Variants in PTPN23 observed in about 807,000 individuals in gnomAD.
PTPN23 encodes the protein protein tyrosine phosphatase non-receptor type 23, also known as tyrosine-protein phosphatase non-receptor type 23.
A neutral mutation model predicts 156.3 loss-of-function variants in PTPN23; 72 were observed. The ratio of observed to expected loss-of-function variants is 0.46; its 90% CI spans 0.38 to 0.56. PTPN23 has a LOEUF of 0.56. PTPN23 is among the 20% of genes least tolerant of loss of function. PTPN23 has a pLI of 0.00. For missense variants in PTPN23, 1,974 were observed against 2,171.5 expected (o/e 0.91, Z 1.81); for synonymous variants, 957 against 899.6 (o/e 1.06, Z -1.14).
At chr3:47,404,825 T>C (rs779662417) in intron 3 of PTPN23, 46 bp downstream of exon 3, 1 of 1,599,890 alleles carries the variant, frequency 6.3e-7, no homozygotes, top group African/African-American at 1.3e-5. Flanking sequence ...GGAGTCTGGG[T>C]GGTGGGGGTG....
In PTPN23 at chr3:47,406,296, G is replaced by C; in HGVS notation, c.547-29G>C. On this transcript the variant is annotated intron_variant, in intron 6 of 24. Transcript: ENST00000265562. This position sits in a 1 kb window ranked among gnomAD's most constrained non-coding sequence, Gnocchi z 5.8. Reference sequence around the variant, plus strand: ...GGGAAGCGGGAGGCCTTGGGTGAGCGAGGGAGTGCACCTCACGTGTCGCCC... The same window carrying C: ...GGGAAGCGGGAGGCCTTGGGTGAGCCAGGGAGTGCACCTCACGTGTCGCCC... The C allele has an allele frequency of 6.2e-7, 1 of 1,612,176 alleles. No individual in the cohort carries two copies. Among genetic ancestry groups the C allele is most frequent in the South Asian group, 1.1e-5 (1 of 91,022 alleles).
intron 1 of PTPN23, among the ~76,000 whole-genome samples, chr3:47,389,364 G>C (rs1263207593): frequency 6.6e-6 from 1 of 151,840 alleles, no homozygotes; most frequent in Non-Finnish European, 1.5e-5. Context: ...TAATCCCAGC[G>C]CTTTGGGATG....
chr3:47,413,425 C>G lies in PTPN23; in HGVS notation c.*240C>G. On this transcript the variant is annotated 3_prime_UTR_variant, in exon 25 of 25. Transcript: ENST00000265562. ...CTTTGCTATTGAAATAATAAACCAC[C>G]CTGTTCTGTGGCCCGTGTCTGAGTC... The G allele has an allele frequency of 3.5e-6, 2 of 575,794 alleles. No individual in the cohort carries two copies. Among genetic ancestry groups the G allele is most frequent in the Non-Finnish European group, 6.0e-6 (2 of 334,710 alleles). 35.7% of individuals were successfully genotyped at this position (575,794 alleles called of 1,614,324 possible).
At position 47,411,484 on chromosome 3, in the gene PTPN23, A is replaced by G. The variant is rs757028179; in HGVS notation, c.3686A>G (p.Tyr1229Cys). 2 of 1,613,138 alleles carry G rather than the reference A, an allele frequency of 1.2e-6. No homozygotes were observed. The highest frequency in any genetic ancestry group is 1.7e-6 in the Non-Finnish European group (2 of 1,180,004). Residue 1229 changes from tyrosine to cysteine, a missense_variant, in exon 20 of 25, where the codon TAT (tyrosine) becomes TGT (cysteine). Coordinates refer to ENST00000265562, the MANE Select transcript of PTPN23 (RefSeq NM_015466.4). The surrounding 1 kb of genome is among the most constrained non-coding windows in gnomAD (Gnocchi z 6.3). The part of the protein sequence containing the change: ...LKNRHQDVMP[Y>C]DSNRVVLRSG... ...AACCGGCACCAGGATGTCATGCCCT[A>G]TGACAGTAACCGTGTGGTGCTGCGC...
chr3:47,412,352 C>T lies in PTPN23; in HGVS notation c.4248C>T (p.Asn1416=), dbSNP rs760071436. The T allele has an allele frequency of 7.9e-5, 128 of 1,613,154 alleles. No homozygotes were observed. The highest frequency in any genetic ancestry group is 9.3e-5 in the Non-Finnish European group (110 of 1,180,036). Residue 1416 remains asparagine, a synonymous_variant, in exon 23 of 25, where the codon AAC becomes AAT. Coordinates refer to ENST00000265562, the MANE Select transcript of PTPN23 (RefSeq NM_015466.4). ...CTGTGCAGGAGGTGGAGGCTGGGAACGGAATCCCTGAGCTGCCTCAGCTGG... is the reference window on the plus strand; with the variant it reads ...CTGTGCAGGAGGTGGAGGCTGGGAATGGAATCCCTGAGCTGCCTCAGCTGG... ...YAAVQEVEAG[N]GIPELPQLVR...
chr3:47,398,310 A>C (rs749638557), intron 2 of PTPN23, among the ~76,000 whole-genome samples: 1 of 152,142 alleles, frequency 6.6e-6, no homozygotes, highest in East Asian at 1.9e-4. Context: ...AAGAAAAGCT[A>C]GAAATTATTA....
In PTPN23 at chr3:47,406,981, C is replaced by T. The variant is rs970286995; in HGVS notation, c.808-149C>T. ...AGCAGGTGGCTGGGGCAGGGTGTGGCGCCACCTTGCTGCTGTTGGCTGGGG... is the reference window on the plus strand; with the variant it reads ...AGCAGGTGGCTGGGGCAGGGTGTGGTGCCACCTTGCTGCTGTTGGCTGGGG... On this transcript the variant is annotated intron_variant, in intron 9 of 24. Transcript: ENST00000265562. This position sits in a 1 kb window ranked among gnomAD's most constrained non-coding sequence, Gnocchi z 5.8. 70 of 1,152,572 alleles carry T rather than the reference C, an allele frequency of 6.1e-5. No individual in the cohort carries two copies. The highest frequency in any genetic ancestry group is 2.3e-4 in the Admixed American group (11 of 47,050). The allele number at this position is 1,152,572 out of a possible 1,614,324, so 71.4% of individuals were successfully genotyped here. A position where few individuals can be genotyped will look rare whatever the true frequency, so the allele number is the denominator to read the frequency against.
chr3:47,408,276 G>T, intron 14 of PTPN23, 69 bp from the exon 15 acceptor site: 1 of 1,569,828 alleles, frequency 6.4e-7, no homozygotes, highest in Non-Finnish European at 8.7e-7. Context: ...GCTTGCCCTA[G>T]CGGCTCCTTT....
At position 47,410,383 on chromosome 3, in the gene PTPN23, C is replaced by G. The variant is rs759700599; in HGVS notation, c.2585C>G (p.Ser862Trp). The part of the protein sequence containing the change: ...GPAPPVAGLP[S>W]APPPQFSGPE... Reference sequence around the variant, plus strand: ...GCCCCACCAGTTGCAGGTCTCCCCTCGGCCCCACCTCCTCAATTCTCAGGC... The same window carrying G: ...GCCCCACCAGTTGCAGGTCTCCCCTGGGCCCCACCTCCTCAATTCTCAGGC... Residue 862 changes from serine (S) to tryptophan (W), a missense_variant, in exon 20 of 25, where the codon TCG becomes TGG. Transcript: ENST00000265562. 1.9e-6 allele frequency: 3 copies of G among 1,610,924 alleles called. No homozygotes were observed. The highest frequency in any genetic ancestry group is 2.5e-6 in the Non-Finnish European group (3 of 1,178,896).
rs2107713505 is a variant in PTPN23, at chr3:47,405,043, A to G, written c.326A>G (p.Asp109Gly). The G allele has an allele frequency of 6.2e-7, 1 of 1,614,174 alleles. No individual in the cohort carries two copies. Residue 109 changes from aspartate (D) to glycine (G), a missense_variant, in exon 4 of 25, where the codon GAC (aspartate) becomes GGC (glycine). By Grantham distance (94) the Asp-to-Gly change is moderately conservative. Coordinates refer to ENST00000265562, the MANE Select transcript of PTPN23 (RefSeq NM_015466.4). This position sits in a 1 kb window ranked among gnomAD's most constrained non-coding sequence, Gnocchi z 4.7. The part of the protein sequence containing the change: ...IFSGKSVAHE[D>G]IKYEQACILY... ...TCAGGCAAGTCTGTGGCCCATGAGG[A>G]CATCAAGTACGAGCAGGCCTGTATT...
chr3:47,412,667 C>T, intron 24 of PTPN23, 39 bp from the exon 25 acceptor site: 1 of 1,602,902 alleles, frequency 6.2e-7, no homozygotes, highest in Non-Finnish European at 8.5e-7. Flanking sequence ...AGAGCCACAG[C>T]CTTGGGACTC....
Position 47,408,305 on chromosome 3 carries a change from T to G in PTPN23, c.1185-40T>G, listed in dbSNP as rs775056155. On this transcript the variant is annotated intron_variant, in intron 14 of 24. Transcript: ENST00000265562. ...CTCCTTTGACATGGTCAGAGTTGGATCAGCACCCAGCACCCACCTGGCCCT... is the reference window on the plus strand; with the variant it reads ...CTCCTTTGACATGGTCAGAGTTGGAGCAGCACCCAGCACCCACCTGGCCCT... The G allele has an allele frequency of 1.9e-6, 3 of 1,600,462 alleles. No homozygotes were observed. In the African/African-American group the frequency reaches 4.0e-5, roughly 21 times the overall value.
At chr3:47,385,961 CT>C (rs893685555) in intron 1 of PTPN23, among the ~76,000 whole-genome samples, 3 of 152,226 alleles carry the variant, frequency 2.0e-5, no homozygotes, top group African/African-American at 7.2e-5. Context: ...CCTTCCACAT[CT>C]GGTCACTGCC....
At chr3:47,401,639 T>G (rs1359936839) in intron 2 of PTPN23, among the ~76,000 whole-genome samples, 1 of 152,194 alleles carries the variant, frequency 6.6e-6, no homozygotes, top group Non-Finnish European at 1.5e-5. Context: ...AATGGATTGT[T>G]TAAAGAAAAA....
At chr3:47,399,670 T>TGAGA (rs1344000229) in intron 2 of PTPN23, among the ~76,000 whole-genome samples, 2 of 152,164 alleles carry the variant, frequency 1.3e-5, no homozygotes, top group Admixed American at 1.3e-4. Flanking sequence ...GAGCAGCCCC[T>TGAGA]GAGAGAGCTG....
chr3:47,413,242 C>A lies in PTPN23; in HGVS notation c.*57C>A. 6.4e-7 allele frequency: 1 copy of A among 1,552,564 alleles called. No individual in the cohort carries two copies. Among genetic ancestry groups the A allele is most frequent in the Non-Finnish European group, 8.7e-7 (1 of 1,145,412 alleles). On this transcript the variant is annotated 3_prime_UTR_variant, in exon 25 of 25. Transcript: ENST00000265562. ...ATCATCATCATCTCATGCCCACCTG[C>A]CCACACCCAGCAGAGCTTCTCAGTG...
chr3:47,386,382 T>G (rs1211357452), intron 1 of PTPN23, among the ~76,000 whole-genome samples: 1 of 152,146 alleles, frequency 6.6e-6, no homozygotes, highest in African/African-American at 2.4e-5. Flanking sequence ...GCTAGGCTGG[T>G]CTCGAACTCC....
Position 47,404,661 on chromosome 3 carries a change from C to A in PTPN23, c.169C>A (p.Arg57Ser), listed in dbSNP as rs895113567. The change falls in exon 3 of 25, where the codon CGT becomes AGT. Residue 57 changes from arginine to serine, a missense_variant. Physicochemically the swap from Arg to Ser is moderately radical, Grantham distance 110 (BLOSUM62 -1). This residue lies in a region of PTPN23 where 726 missense variants were observed against 929.5 expected (regional missense o/e 0.78). Transcript: ENST00000265562. Reference protein sequence around the residue: ...KLELLRQNAVRVPRDFEGCSV... With the variant: ...KLELLRQNAVSVPRDFEGCSV... ...CCATCCTGCCCCCCAGAATGCTGTC[C>A]GTGTCCCACGAGACTTTGAGGGCTG... 1 of 1,613,862 alleles carries A rather than the reference C, an allele frequency of 6.2e-7. No individual in the cohort carries two copies. The highest frequency in any genetic ancestry group is 8.5e-7 in the Non-Finnish European group (1 of 1,179,918).
intron 24 of PTPN23, 30 bp downstream of exon 24, chr3:47,412,657 A>G (rs1705347557): frequency 6.2e-7 from 1 of 1,607,056 alleles, no homozygotes. Flanking sequence ...AGCTGCTGGG[A>G]GAGCCACAGC....
Sources: gnomAD v4.1 joint callset for allele counts (sites outside exome capture counted in the v4.1 genomes callset) on GRCh38, gnomAD v4.1.1 for gene constraint, gnomAD v4.1.1 regional missense constraint, Gnocchi (gnomAD v3.1) non-coding constraint, MANE v1.5 for transcripts, NCBI Gene and HGNC (gene_info 2026-07-23, HGNC 2026-07-21) for gene names.